HCN2: variants seen among roughly 807,000 people sequenced by gnomAD.
HCN2 encodes potassium/sodium hyperpolarization-activated cyclic nucleotide-gated channel 2.
HCN2 carries 20 observed loss-of-function variants against 52.3 expected under a neutral mutation model. That is an observed-to-expected ratio of 0.38 (90% CI 0.27 to 0.56). The LOEUF is 0.56. HCN2 is among the 20% of genes least tolerant of loss of function. The pLI, the probability that HCN2 is intolerant of heterozygous loss-of-function variation, is 0.71. For synonymous variants in HCN2, 694 were observed against 537.0 expected (o/e 1.29, Z -4.04); for missense variants, 981 against 1,207.7 (o/e 0.81, Z 2.78).
intron 5 of HCN2, 53 bp downstream of exon 5, chr19:610,458 C>T: frequency 2.6e-6 from 4 of 1,551,344 alleles, no homozygotes; most frequent in Non-Finnish European, 3.5e-6. Flanking sequence ...GGGCCGGCCT[C>T]CCTCTCCTGG....
chr19:606,053 C>T (rs940901074), intron 3 of HCN2, among the ~76,000 whole-genome samples: 2 of 152,162 alleles, frequency 1.3e-5, no homozygotes, highest in African/African-American at 4.8e-5. Flanking sequence ...AGCGCGTTTT[C>T]CAATGGATTT....
intron 4 of HCN2, among the ~76,000 whole-genome samples, chr19:609,112 A>G (rs1480487183): frequency 6.6e-6 from 1 of 152,132 alleles, no homozygotes; most frequent in East Asian, 1.9e-4. Context: ...GCCCCGTGCC[A>G]GGCGCCCTGC....
intron 1 of HCN2, among the ~76,000 whole-genome samples, chr19:593,700 C>T (rs1982940645): frequency 6.6e-6 from 1 of 152,120 alleles, no homozygotes; most frequent in South Asian, 2.1e-4. Flanking sequence ...ACACCCCGGC[C>T]TGACGTCTGA....
chr19:613,825 CA>C (rs1377597492), intron 6 of HCN2, 26 bp from the exon 7 acceptor site: 3 of 1,485,832 alleles, frequency 2.0e-6, no homozygotes, highest in African/African-American at 1.6e-5. Flanking sequence ...CCTCGTCCAG[CA>C]ACCCCCCCCT....
intron 1 of HCN2, among the ~76,000 whole-genome samples, chr19:599,062 C>T (rs2144509993): frequency 6.6e-6 from 1 of 152,384 alleles, no homozygotes; most frequent in Admixed American, 6.5e-5. Flanking sequence ...GTCACTGTGC[C>T]AGCAGGCGGG....
At chr19:612,122 A>G (rs1255108978) in intron 5 of HCN2, among the ~76,000 whole-genome samples, 2 of 151,838 alleles carry the variant, frequency 1.3e-5, no homozygotes. Context: ...TCCAGCCTGG[A>G]CAACAGAGCG....
intron 1 of HCN2, among the ~76,000 whole-genome samples, chr19:595,137 G>GGCTGCAGTGAGCTATGATTGTGCC (rs1555729374): frequency 2.0e-5 from 3 of 151,128 alleles, no homozygotes; most frequent in African/African-American, 7.4e-5. Context: ...AGGAGGTTGA[G>GGCTGCAGTGAGCTATGATTGTGCC]GCTGCAGTGA....
At chr19:612,844 G>GT (rs371557417) in intron 5 of HCN2, among the ~76,000 whole-genome samples, 120 of 126,326 alleles carry the variant, frequency 9.5e-4, no homozygotes, top group Middle Eastern at 4.3e-3. Context: ...ACGCCTGGCT[G>GT]TTTTTTTTTT....
intron 7 of HCN2, 106 bp from the exon 8 acceptor site, chr19:615,689 A>G: frequency 9.6e-7 from 1 of 1,045,840 alleles, no homozygotes; most frequent in East Asian, 2.4e-5. Flanking sequence ...TGCTTGCTCT[A>G]CACGGCAAGC....
chr19:592,637 G>A lies in HCN2; in HGVS notation c.632+2060G>A, dbSNP rs567764085. 1.6e-4 allele frequency among the ~76,000 whole-genome samples: 24 copies of A among 152,246 alleles called. No individual in the cohort carries two copies. The East Asian group carries it at 4.6e-3, about 29-fold the overall frequency. On this transcript the variant is annotated intron_variant, in intron 1 of 7. Transcript: ENST00000251287. This position sits in a 1 kb window ranked among gnomAD's most constrained non-coding sequence, Gnocchi z 4.8. ...TGTCTTCGGGACTAGGGGAGTCACG[G>A]CAGTCAGATTTTAAAAAAGGATTTC...
intron 7 of HCN2, among the ~76,000 whole-genome samples, chr19:614,448 C>T (rs1286245156): frequency 9.2e-5 from 14 of 152,158 alleles, no homozygotes; most frequent in African/African-American, 2.2e-4. Context: ...CACGACTGGG[C>T]TGTGTGCCAG....
At position 592,157 on chromosome 19, in the gene HCN2, T is replaced by G. The variant is rs1009344842; in HGVS notation, c.632+1580T>G. The stretch of plus-strand genomic sequence containing the variant: ...CTGGTCGGCCTGGCCCCACTTCCAG[T>G]CGGGCAGTGGCACCCCCTGACCGGA... On this transcript the variant is annotated intron_variant, in intron 1 of 7. Transcript: ENST00000251287. This position sits in a 1 kb window ranked among gnomAD's most constrained non-coding sequence, Gnocchi z 4.8. Among the ~76,000 whole-genome samples, 5 of 152,136 alleles carry G rather than the reference T, an allele frequency of 3.3e-5. No homozygotes were observed. Among genetic ancestry groups the G allele is most frequent in the African/African-American group, 1.2e-4 (5 of 41,434 alleles).
intron 1 of HCN2, among the ~76,000 whole-genome samples, chr19:595,701 G>T (rs1600517601): frequency 6.6e-6 from 1 of 152,318 alleles, no homozygotes; most frequent in Admixed American, 6.5e-5. Flanking sequence ...GTGAACATCT[G>T]CCCCGTCGGG....
intron 5 of HCN2, among the ~76,000 whole-genome samples, chr19:611,366 G>T (rs570226465): frequency 6.6e-6 from 1 of 152,216 alleles, no homozygotes; most frequent in South Asian, 2.1e-4. Flanking sequence ...GGACGAGGAC[G>T]GGGAGGCGAC....
Position 616,189 on chromosome 19 carries a change from C to A in HCN2, c.2385C>A (p.Tyr795Ter). The A allele has an allele frequency of 1.0e-6, 1 of 979,946 alleles. No individual in the cohort carries two copies. Among genetic ancestry groups the A allele is most frequent in the Non-Finnish European group, 1.2e-6 (1 of 826,686 alleles). 60.7% of individuals were successfully genotyped at this position (979,946 alleles called of 1,614,324 possible). Residue 795 changes from tyrosine to a stop codon, truncating the protein, a stop_gained, in exon 8 of 8, where the codon TAC becomes TAA. Transcript: ENST00000251287. LOFTEE classifies it low-confidence loss of function (END_TRUNC). ...CCCGGGCACCGCGGACCTCGCCCTACGGCGGCCTGCCCGCCGCCCCCCTTG... is the reference window on the plus strand; with the variant it reads ...CCCGGGCACCGCGGACCTCGCCCTAAGGCGGCCTGCCCGCCGCCCCCCTTG... ...ASPRAPRTSP[Y>*]GGLPAAPLAG... is the part of the protein sequence containing the mutation.
chr19:603,876 C>T lies in HCN2; in HGVS notation c.965C>T (p.Ala322Val). 3 of 1,612,436 alleles carry T rather than the reference C, an allele frequency of 1.9e-6. No homozygotes were observed. Among genetic ancestry groups the T allele is most frequent in the East Asian group, 4.5e-5 (2 of 44,876 alleles). Residue 322 changes from alanine (A) to valine (V), a missense_variant, in exon 2 of 8, where the codon GCC becomes GTC. Ala to Val is a moderately conservative substitution (Grantham distance 64, BLOSUM62 0). Transcript: ENST00000251287. ...IDSEVYKTARALRIVRFTKIL... is the reference protein window; with the variant it reads ...IDSEVYKTARVLRIVRFTKIL... Reference sequence around the variant, plus strand: ...TCCGAGGTCTACAAGACGGCACGCGCCCTGCGCATCGTGCGCTTCACCAAG... The same window carrying T: ...TCCGAGGTCTACAAGACGGCACGCGTCCTGCGCATCGTGCGCTTCACCAAG...
chr19:608,911 T>TGGAGG (rs1204246215), intron 4 of HCN2, among the ~76,000 whole-genome samples: 6 of 151,984 alleles, frequency 3.9e-5, no homozygotes, highest in African/African-American at 1.4e-4. Flanking sequence ...GGCTTGGCAG[T>TGGAGG]GGAGGGGACA....
At position 616,011 on chromosome 19, in the gene HCN2, T is replaced by C. The variant is rs1300538949; in HGVS notation, c.2207T>C (p.Met736Thr). 5.3e-6 allele frequency: 8 copies of C among 1,498,124 alleles called. No individual in the cohort carries two copies. Among genetic ancestry groups the C allele is most frequent in the Admixed American group, 2.4e-5 (1 of 42,514 alleles). The allele number at this position is 1,498,124 out of a possible 1,614,324, so 92.8% of individuals were successfully genotyped here. A position where few individuals can be genotyped will look rare whatever the true frequency, so the allele number is the denominator to read the frequency against. ...GCCACGCTGCAGCAGGCGGCGGCCA[T>C]GAGCTTCTGCCCGCAGGTGGCGCGG... ...AIATLQQAAA[M>T]SFCPQVARPL... The change falls in exon 8 of 8, where the codon ATG becomes ACG. Residue 736 changes from methionine (M) to threonine (T), a missense_variant. Met to Thr is a moderately conservative substitution (Grantham distance 81). Around this residue, in one of 6 missense-constraint regions of HCN2, gnomAD observed 368 missense variants for 314.8 expected, o/e 1.17. Transcript: ENST00000251287.
At chr19:610,477 A>T in intron 5 of HCN2, 72 bp downstream of exon 5, 1 of 1,430,240 alleles carries the variant, frequency 7.0e-7, no homozygotes. Flanking sequence ...GGAGCCCAGG[A>T]GCCGGTCCCT....
Sources: allele counts gnomAD v4.1 joint callset (sites outside exome capture counted in the v4.1 genomes callset), GRCh38; gene constraint gnomAD v4.1.1; regional missense constraint gnomAD v4.1.1; non-coding constraint Gnocchi (gnomAD v3.1); transcripts MANE v1.5; gene names NCBI Gene and HGNC (gene_info 2026-07-23, HGNC 2026-07-21).